FOCAD: variants seen among roughly 807,000 people sequenced by gnomAD.
FOCAD encodes KIAA1797.
Under a neutral mutation model 225.6 loss-of-function variants are expected in FOCAD, and 198 were observed. That is an observed-to-expected ratio of 0.88 (90% confidence interval 0.78 to 0.99). FOCAD has a LOEUF of 0.99. Among genes scored for constraint, FOCAD ranks in the 50% least tolerant of loss-of-function variants. The pLI, the probability that FOCAD is intolerant of heterozygous loss-of-function variation, is 0.00. For missense variants in FOCAD, 2,713 were observed against 2,123.6 expected (o/e 1.28, Z -5.46); for synonymous variants, 897 against 755.0 (o/e 1.19, Z -3.08).
chr9:20,920,641 G>T lies in FOCAD; in HGVS notation c.2853-3019G>T, dbSNP rs200981724. ...TGGAATACTATGCAGCCATAAAAAA[G>T]GATGAGTTCATGTCCTTTGTAGGGA... is the stretch of plus-strand genomic sequence containing the variant. On this transcript the variant is annotated intron_variant, in intron 24 of 43. Transcript: ENST00000338382. 2.4e-4 allele frequency among the ~76,000 whole-genome samples: 36 copies of T among 149,996 alleles called. 1 individual carries two copies. The highest frequency in any genetic ancestry group is 3.9e-4 in the East Asian group (2 of 5,116).
At position 20,968,031 on chromosome 9, in the gene FOCAD, G is replaced by C. The variant is rs567663532; in HGVS notation, c.4133-8389G>C. ...TTTTTGAAAGAAATTGAGAAAGATT[G>C]GTGTTAATTCTTTAAGTGTCCGGGA... On this transcript the variant is annotated intron_variant, in intron 35 of 43. Coordinates refer to ENST00000338382, the MANE Select transcript of FOCAD (RefSeq NM_001375567.1). Among the ~76,000 whole-genome samples the C allele has an allele frequency of 5.9e-5, 9 of 152,198 alleles. No individual in the cohort carries two copies. The East Asian group carries it at 1.2e-3, about 20-fold the overall frequency.
intron 11 of FOCAD, among the ~76,000 whole-genome samples, chr9:20,793,509 T>C (rs551369817): frequency 1.3e-5 from 2 of 152,214 alleles, no homozygotes; most frequent in East Asian, 3.8e-4. Context: ...TAGAAATTAC[T>C]GATGGTTCTC....
intron 1 of FOCAD, among the ~76,000 whole-genome samples, chr9:20,687,410 CTG>C (rs1478115278): frequency 1.3e-5 from 2 of 152,122 alleles, no homozygotes; most frequent in Non-Finnish European, 2.9e-5. Context: ...GGTGTTGTAA[CTG>C]TAGTTTTATG....
At chr9:20,685,497 T>C (rs182092467) in intron 1 of FOCAD, among the ~76,000 whole-genome samples, 3 of 152,336 alleles carry the variant, frequency 2.0e-5, no homozygotes, top group Admixed American at 2.0e-4. Flanking sequence ...ACCAAGCAAG[T>C]GCATGTTTAC....
chr9:20,685,196 A>ATTTTTTTTTTTTTT (rs397959541), intron 1 of FOCAD, among the ~76,000 whole-genome samples: 92 of 143,030 alleles, frequency 6.4e-4, no homozygotes, highest in East Asian at 8.1e-4. Flanking sequence ...TGAGTTGGAA[A>ATTTTTTTTTTTTTT]TTTTTTTTTT....
intron 28 of FOCAD, among the ~76,000 whole-genome samples, chr9:20,936,636 G>C (rs1048405175): frequency 4.6e-5 from 7 of 152,070 alleles, no homozygotes; most frequent in Non-Finnish European, 1.0e-4. Flanking sequence ...AGACTGTCCT[G>C]GTTAACACGG....
chr9:20,726,227 T>C (rs1277141656), intron 4 of FOCAD: 2 of 152,234 alleles, frequency 1.3e-5, no homozygotes, highest in Admixed American at 6.5e-5. Flanking sequence ...CAAACCATTT[T>C]TCTTTCCTTA....
intron 11 of FOCAD, among the ~76,000 whole-genome samples, chr9:20,801,307 G>C (rs993854435): frequency 6.6e-6 from 1 of 152,140 alleles, no homozygotes; most frequent in Non-Finnish European, 1.5e-5. Context: ...CAATGCCGTT[G>C]AAATTAGGAA....
chr9:20,993,177 A>T (rs933759173), intron 42 of FOCAD, 76 bp from the exon 43 acceptor site: 1 of 1,221,112 alleles, frequency 8.2e-7, no homozygotes, highest in East Asian at 2.4e-5. Context: ...TCATATATAT[A>T]GGTCCAAGGG....
At chr9:20,757,602 C>G (rs909469906) in intron 5 of FOCAD, among the ~76,000 whole-genome samples, 1 of 151,984 alleles carries the variant, frequency 6.6e-6, no homozygotes, top group Non-Finnish European at 1.5e-5. Context: ...AAGCGCAGAA[C>G]CATACAATGG....
intron 5 of FOCAD, among the ~76,000 whole-genome samples, chr9:20,745,097 A>G (rs1215811344): frequency 6.7e-6 from 1 of 149,594 alleles, no homozygotes; most frequent in Non-Finnish European, 1.5e-5. Context: ...ACACACTTAT[A>G]TTTAAGTTAT....
intron 35 of FOCAD, among the ~76,000 whole-genome samples, chr9:20,964,054 A>AT (rs967955698): frequency 1.3e-5 from 2 of 150,966 alleles, no homozygotes; most frequent in Non-Finnish European, 3.0e-5. Context: ...ATTTGTCAGA[A>AT]TTTTTTTTTT....
intron 19 of FOCAD, among the ~76,000 whole-genome samples, chr9:20,881,030 A>G (rs1217291557): frequency 1.3e-5 from 2 of 152,208 alleles, no homozygotes; most frequent in African/African-American, 4.8e-5. Context: ...ATGTCAAATG[A>G]TAAAGATCTT....
At chr9:20,709,134 T>G (rs1270807501) in intron 1 of FOCAD, among the ~76,000 whole-genome samples, 1 of 152,226 alleles carries the variant, frequency 6.6e-6, no homozygotes, top group Non-Finnish European at 1.5e-5. Context: ...TAGATTAATT[T>G]TCTTGGAAGT....
rs576195442 is a variant in FOCAD at position 20,962,959 on chromosome 9, G to T, written c.4132+9894G>T. ...TTTTATCCAGTGCTAAAGATCTCTGGGGAAGGAACTAGTTCACTGTGTTCT... is the reference window on the plus strand; with the variant it reads ...TTTTATCCAGTGCTAAAGATCTCTGTGGAAGGAACTAGTTCACTGTGTTCT... On this transcript the variant is annotated intron_variant, in intron 35 of 43. Transcript: ENST00000338382. Among the ~76,000 whole-genome samples, 139 of 152,210 alleles carry T rather than the reference G, an allele frequency of 9.1e-4. 2 individuals carry two copies. Among genetic ancestry groups the T allele is most frequent in the African/African-American group, 3.3e-3 (137 of 41,540 alleles).
At chr9:20,982,660 A>C (rs1840804857) in intron 39 of FOCAD, among the ~76,000 whole-genome samples, 1 of 152,220 alleles carries the variant, frequency 6.6e-6, no homozygotes, top group Non-Finnish European at 1.5e-5. Context: ...TAGATGGATG[A>C]ATAACTTTTT....
chr9:20,791,893 A>T (rs1820575979), intron 11 of FOCAD, among the ~76,000 whole-genome samples: 1 of 152,214 alleles, frequency 6.6e-6, no homozygotes, highest in Non-Finnish European at 1.5e-5. Flanking sequence ...CAAAAAATGT[A>T]AAGCAGAACT....
chr9:20,986,278 T>TTTTTTTTTTTTTTTTTTTG lies in FOCAD; in HGVS notation c.4729-5_4729-4insTTTTTTTTTTTTTGTTTTT. 7.2e-7 allele frequency: 1 copy of TTTTTTTTTTTTTTTTTTTG among 1,394,916 alleles called. No individual in the cohort carries two copies. Among genetic ancestry groups the TTTTTTTTTTTTTTTTTTTG allele is most frequent in the Non-Finnish European group, 9.4e-7 (1 of 1,061,960 alleles). The allele number at this position is 1,394,916 out of a possible 1,614,324, so 86.4% of individuals were successfully genotyped here. The stretch of plus-strand genomic sequence containing the variant: ...TAGTAACTAAACAATTTTTTTTTTT[T>TTTTTTTTTTTTTTTTTTTG]TTTTTGCAGAGCAACATAGAAAAAG... On this transcript the variant is annotated splice_polypyrimidine_tract_variant and intron_variant, in intron 39 of 43. Transcript: ENST00000338382.
At chr9:20,819,553 G>A (rs1824094221) in intron 11 of FOCAD, among the ~76,000 whole-genome samples, 2 of 152,100 alleles carry the variant, frequency 1.3e-5, no homozygotes, top group East Asian at 3.9e-4. Flanking sequence ...TTTCTCAGAA[G>A]TGATGTTATA....
Sources: gnomAD v4.1 joint callset for allele counts (sites outside exome capture counted in the v4.1 genomes callset) on GRCh38, gnomAD v4.1.1 for gene constraint, MANE v1.5 for transcripts, NCBI Gene and HGNC (gene_info 2026-07-23, HGNC 2026-07-21) for gene names.